The following CNTNAP5 variants were observed in gnomAD, a reference collection of about 807,000 sequenced individuals.
CNTNAP5 encodes the protein contactin associated protein family member 5, also known as contactin-associated protein-like 5.
CNTNAP5 carries 72 observed loss-of-function variants against 150.2 expected under a neutral mutation model. The observed-to-expected ratio is 0.48, with a 90% CI of 0.40 to 0.58. The LOEUF (loss-of-function observed/expected upper bound fraction) is 0.58, where lower values mean the gene tolerates loss of function less well. Among genes scored for constraint, CNTNAP5 ranks in the 20% least tolerant of loss-of-function variants. The pLI is 0.00. For synonymous variants in CNTNAP5, 672 were observed against 619.8 expected (o/e 1.08, Z -1.25); for missense variants, 1,636 against 1,626.2 (o/e 1.01, Z -0.10).
chr2:124,553,033 TATATTCTA>T (rs1695663456), intron 10 of CNTNAP5, among the ~76,000 whole-genome samples: 1 of 6,264 alleles, frequency 1.6e-4, no homozygotes, highest in Non-Finnish European at 5.9e-3. Flanking sequence ...TCTGGGACAT[TATATTCTA>T]TTTCTGGGAA....
intron 17 of CNTNAP5, among the ~76,000 whole-genome samples, chr2:124,785,076 A>G (rs916690713): frequency 2.6e-5 from 4 of 151,512 alleles, no homozygotes; most frequent in Non-Finnish European, 5.9e-5. Context: ...AAAGAAAAAG[A>G]AAAAAAACCC....
intron 3 of CNTNAP5, among the ~76,000 whole-genome samples, chr2:124,410,274 A>C (rs1573974990): frequency 6.7e-6 from 1 of 148,436 alleles, no homozygotes; most frequent in East Asian, 2.0e-4. Context: ...CCACACATTA[A>C]TAATGGGAGA....
intron 1 of CNTNAP5, among the ~76,000 whole-genome samples, chr2:124,196,044 T>C (rs559604806): frequency 1.3e-5 from 2 of 151,804 alleles, no homozygotes; most frequent in East Asian, 3.9e-4. Flanking sequence ...TTTTGTAAAA[T>C]AAATGATACC....
At chr2:124,648,108 G>T (rs1678245396) in intron 13 of CNTNAP5, 150 bp downstream of exon 13, 2 of 674,850 alleles carry the variant, frequency 3.0e-6, no homozygotes, top group African/African-American at 1.8e-5. Flanking sequence ...GTCTGGTTAT[G>T]TAGTAATCCT....
At chr2:124,065,797 T>C (rs1055484135) in intron 1 of CNTNAP5, among the ~76,000 whole-genome samples, 2 of 152,244 alleles carry the variant, frequency 1.3e-5, no homozygotes, top group East Asian at 1.9e-4. Flanking sequence ...TGAGCTACAA[T>C]CCACAAACTG....
chr2:124,834,080 T>C (rs933684193), intron 19 of CNTNAP5, among the ~76,000 whole-genome samples: 1 of 152,212 alleles, frequency 6.6e-6, no homozygotes, highest in African/African-American at 2.4e-5. Context: ...CCAGGCACCA[T>C]GTATAATCCT....
intron 2 of CNTNAP5, among the ~76,000 whole-genome samples, chr2:124,237,079 A>G (rs904292909): frequency 2.6e-5 from 4 of 152,158 alleles, no homozygotes; most frequent in African/African-American, 9.7e-5. Flanking sequence ...CAGTGAGCCG[A>G]AATCACGCCA....
intron 16 of CNTNAP5, among the ~76,000 whole-genome samples, chr2:124,769,649 T>C (rs1681147361): frequency 6.6e-6 from 1 of 152,206 alleles, no homozygotes; most frequent in Non-Finnish European, 1.5e-5. Context: ...TATCATTCAT[T>C]CTCTCACATT....
chr2:124,208,089 C>A (rs1243394376), intron 1 of CNTNAP5, among the ~76,000 whole-genome samples: 1 of 152,128 alleles, frequency 6.6e-6, no homozygotes, highest in Admixed American at 6.6e-5. Context: ...CCCAAAAAAT[C>A]ATTATCTAGA....
chr2:124,804,901 T>G (rs1682049121), intron 19 of CNTNAP5, among the ~76,000 whole-genome samples: 1 of 152,126 alleles, frequency 6.6e-6, no homozygotes, highest in Non-Finnish European at 1.5e-5. Context: ...TCCTTATTGG[T>G]AAAAGTAATA....
chr2:124,567,960 A>G (rs1341674131), intron 11 of CNTNAP5, among the ~76,000 whole-genome samples: 2 of 152,212 alleles, frequency 1.3e-5, no homozygotes, highest in African/African-American at 4.8e-5. Context: ...ACAGATGAGA[A>G]CATTGAGGCC....
chr2:124,215,547 A>G (rs1285377486), intron 1 of CNTNAP5, among the ~76,000 whole-genome samples: 1 of 152,138 alleles, frequency 6.6e-6, no homozygotes, highest in African/African-American at 2.4e-5. Context: ...TGGAAATATG[A>G]AACAAAATGC....
intron 3 of CNTNAP5, among the ~76,000 whole-genome samples, chr2:124,243,403 T>C (rs1237311632): frequency 1.3e-5 from 2 of 152,174 alleles, no homozygotes; most frequent in Non-Finnish European, 1.5e-5. Flanking sequence ...CTGTTTTATA[T>C]ACTCATTGTT....
chr2:124,858,698 C>A (rs1282319134), intron 19 of CNTNAP5, among the ~76,000 whole-genome samples: 2 of 152,092 alleles, frequency 1.3e-5, no homozygotes, highest in Non-Finnish European at 2.9e-5. Flanking sequence ...AAAAAGCATA[C>A]AATGGATACA....
intron 8 of CNTNAP5, among the ~76,000 whole-genome samples, chr2:124,513,849 G>A (rs1266031225): frequency 6.6e-6 from 1 of 152,162 alleles, no homozygotes; most frequent in Non-Finnish European, 1.5e-5. Flanking sequence ...CAGCCAGGTG[G>A]TTATAGGCTA....
intron 1 of CNTNAP5, among the ~76,000 whole-genome samples, chr2:124,107,802 C>A (rs907826979): frequency 6.6e-6 from 1 of 152,180 alleles, no homozygotes; most frequent in Non-Finnish European, 1.5e-5. Context: ...GCCCTGATGA[C>A]CTGTGCCCAA....
chr2:124,626,922 G>C (rs1291090781), intron 12 of CNTNAP5, among the ~76,000 whole-genome samples: 1 of 152,176 alleles, frequency 6.6e-6, no homozygotes, highest in Non-Finnish European at 1.5e-5. Flanking sequence ...ACAGTGCTAA[G>C]GAGACTGGGA....
intron 17 of CNTNAP5, among the ~76,000 whole-genome samples, chr2:124,786,505 G>GA (rs1363582748): frequency 8.4e-5 from 7 of 83,032 alleles, no homozygotes; most frequent in African/African-American, 5.0e-4. Context: ...GGGAGGGAAA[G>GA]AAAAAGAAAG....
chr2:124,254,046 T>C (rs972145434), intron 3 of CNTNAP5, among the ~76,000 whole-genome samples: 1 of 152,176 alleles, frequency 6.6e-6, no homozygotes, highest in Non-Finnish European at 1.5e-5. Context: ...CAGCATTTTA[T>C]ATCCTAAGCC....
Sources: allele counts gnomAD v4.1 joint callset (sites outside exome capture counted in the v4.1 genomes callset), GRCh38; gene constraint gnomAD v4.1.1; transcripts MANE v1.5; gene names NCBI Gene and HGNC (gene_info 2026-07-23, HGNC 2026-07-21).